Variants in NTN4 observed in about 807,000 individuals in gnomAD.
NTN4 encodes netrin 4, also known as netrin-4.
NTN4 carries 32 observed loss-of-function variants against 73.6 expected under a neutral mutation model. The ratio of observed to expected loss-of-function variants is 0.44; its 90% CI spans 0.33 to 0.58. NTN4 has a LOEUF of 0.58. NTN4 is among the 20% of genes least tolerant of loss of function. The pLI is 0.04. For missense variants in NTN4, 654 were observed against 798.3 expected (o/e 0.82, Z 2.18); for synonymous variants, 258 against 287.5 (o/e 0.90, Z 1.04).
Position 95,713,468 on chromosome 12 carries a change from A to G in NTN4, c.865-130T>C, listed in dbSNP as rs144467087. The G allele has an allele frequency of 8.0e-6, 8 of 1,003,028 alleles. No homozygotes were observed. The South Asian group carries it at 1.1e-4, about 14-fold the overall frequency. The allele number at this position is 1,003,028 out of a possible 1,614,324, so 62.1% of individuals were successfully genotyped here. On this transcript the variant is annotated intron_variant, in intron 3 of 9. Transcript: ENST00000343702. Reference sequence around the variant, plus strand: ...GTTCATTCACTTTCCTGAAGAAGTTAGCCATCAAGAGGAGAGATGCTTTCT... The same window carrying G: ...GTTCATTCACTTTCCTGAAGAAGTTGGCCATCAAGAGGAGAGATGCTTTCT...
At chr12:95,702,462 G>C (rs973482502) in intron 5 of NTN4, among the ~76,000 whole-genome samples, 7 of 152,086 alleles carry the variant, frequency 4.6e-5, no homozygotes, top group African/African-American at 1.2e-4. Flanking sequence ...GGCACTTGCT[G>C]TATCTTTTTC....
At position 95,750,841 on chromosome 12, in the gene NTN4, A is replaced by G. The variant is rs564991579; in HGVS notation, c.586-12697T>C. Among the ~76,000 whole-genome samples the G allele has an allele frequency of 8.7e-4, 131 of 150,154 alleles. 1 individual carries two copies. The highest frequency in any genetic ancestry group is 3.1e-3 in the African/African-American group (125 of 40,622). On this transcript the variant is annotated intron_variant, in intron 2 of 9. Coordinates refer to ENST00000343702, the MANE Select transcript of NTN4 (RefSeq NM_021229.4). ...TTCTCCACCCTATAATCCTTTTATC[A>G]CCTCCCCTCCTCACACCTGGTCCGG...
intron 2 of NTN4, among the ~76,000 whole-genome samples, chr12:95,779,112 T>C (rs1489669451): frequency 6.6e-6 from 1 of 152,212 alleles, no homozygotes; most frequent in Non-Finnish European, 1.5e-5. Flanking sequence ...TCAACAGCCC[T>C]TCATGCTAAA....
chr12:95,677,903 A>G (rs1010362723), intron 7 of NTN4, among the ~76,000 whole-genome samples: 5 of 152,226 alleles, frequency 3.3e-5, no homozygotes, highest in Non-Finnish European at 5.9e-5. Flanking sequence ...TTATTGCAGC[A>G]CTATTTACAA....
chr12:95,685,281 T>G (rs1429906408), intron 5 of NTN4, among the ~76,000 whole-genome samples: 1 of 152,250 alleles, frequency 6.6e-6, no homozygotes, highest in Non-Finnish European at 1.5e-5. Context: ...CTTAGTCTGA[T>G]TCTAATTCAC....
intron 2 of NTN4, among the ~76,000 whole-genome samples, chr12:95,784,131 T>A (rs1212766776): frequency 6.6e-6 from 1 of 152,250 alleles, no homozygotes; most frequent in East Asian, 1.9e-4. Flanking sequence ...CTTCTTATTT[T>A]TAAACTAGAT....
chr12:95,678,623 T>TA lies in NTN4; in HGVS notation c.1510+4083dup, dbSNP rs546513785. Among the ~76,000 whole-genome samples, 632 of 150,292 alleles carry TA rather than the reference T, an allele frequency of 4.2e-3. 2 individuals carry two copies. Among genetic ancestry groups the TA allele is most frequent in the Middle Eastern group, 0.017 (5 of 294 alleles). ...AATTTGGGAAAACATTGTACTGCAGTAAAAAAAAATGATGCATGAGAACTA... is the reference window on the plus strand; with the variant it reads ...AATTTGGGAAAACATTGTACTGCAGTAAAAAAAAAATGATGCATGAGAACTA... On this transcript the variant is annotated intron_variant, in intron 7 of 9. Transcript: ENST00000343702.
chr12:95,690,916 A>C (rs1300938768), intron 5 of NTN4, among the ~76,000 whole-genome samples: 1 of 152,224 alleles, frequency 6.6e-6, no homozygotes, highest in Non-Finnish European at 1.5e-5. Flanking sequence ...TCTCCCTTCT[A>C]CCATATATTT....
intron 2 of NTN4, among the ~76,000 whole-genome samples, chr12:95,776,043 G>A (rs2079089649): frequency 6.6e-6 from 1 of 152,316 alleles, no homozygotes; most frequent in Middle Eastern, 3.4e-3. Context: ...TGACACCCAG[G>A]CAAACAGGGT....
intron 2 of NTN4, among the ~76,000 whole-genome samples, chr12:95,756,579 T>A (rs1013736547): frequency 6.6e-6 from 1 of 152,132 alleles, no homozygotes; most frequent in Non-Finnish European, 1.5e-5. Context: ...AACTTCCCAA[T>A]ACTGATCACC....
In NTN4 at chr12:95,781,079, T is replaced by C. The variant is rs1037888892; in HGVS notation, c.585+5860A>G. 2.0e-5 allele frequency among the ~76,000 whole-genome samples: 3 copies of C among 152,020 alleles called. No individual in the cohort carries two copies. The highest frequency in any genetic ancestry group is 4.4e-5 in the Non-Finnish European group (3 of 68,022). On this transcript the variant is annotated intron_variant, in intron 2 of 9. Coordinates refer to ENST00000343702, the MANE Select transcript of NTN4 (RefSeq NM_021229.4). This position sits in a 1 kb window ranked among gnomAD's most constrained non-coding sequence, Gnocchi z 4.1. ...AAAACAAACACTGCATGTTCTCACT[T>C]ATAGGTGGGAATTGAACAATGAGAA...
intron 1 of NTN4, 133 bp from the exon 2 acceptor site, chr12:95,787,601 A>G (rs779661563): frequency 1.5e-5 from 11 of 749,400 alleles, no homozygotes; most frequent in Non-Finnish European, 2.4e-5. Flanking sequence ...AAATTCTACC[A>G]TGCTCCACCA....
chr12:95,665,997 C>A lies in NTN4; in HGVS notation c.1580-17G>T. On this transcript the variant is annotated splice_polypyrimidine_tract_variant and intron_variant, in intron 8 of 9. Transcript: ENST00000343702. The stretch of plus-strand genomic sequence containing the variant: ...TTTTTAGCACTGTTAACACAGAAGT[C>A]AAAATGCATAGAATTTCATATTATC... The A allele has an allele frequency of 1.9e-6, 3 of 1,555,684 alleles. No homozygotes were observed. In the South Asian group the frequency reaches 3.5e-5, roughly 18 times the overall value.
rs146040779 is a variant in NTN4 at position 95,664,813 on chromosome 12, G to T, written c.1750+997C>A. On this transcript the variant is annotated intron_variant, in intron 9 of 9. Transcript: ENST00000343702. ...TTTTTAGTAGAGATGGGGTTTCACT[G>T]TGTTGGCCAGGTTGGGCACAAAAGA... 2.7e-4 allele frequency among the ~76,000 whole-genome samples: 41 copies of T among 152,068 alleles called. 1 individual carries two copies. The East Asian group carries it at 6.2e-3, about 23-fold the overall frequency.
In NTN4 at chr12:95,682,787, T is replaced by C. The variant is rs1383186282; in HGVS notation, c.1430A>G (p.Asp477Gly). 6.2e-7 allele frequency: 1 copy of C among 1,613,614 alleles called. No individual in the cohort carries two copies. The highest frequency in any genetic ancestry group is 8.5e-7 in the Non-Finnish European group (1 of 1,179,688). Residue 477 changes from aspartate (D) to glycine (G), a missense_variant, in exon 7 of 10, where the codon GAC becomes GGC. Transcript: ENST00000343702. Reference sequence around the variant, plus strand: ...GCTCTTATTGTGCACGGGACGGAAGTCAGGAACTTCATGATACCAGTCTAT... The same window carrying C: ...GCTCTTATTGTGCACGGGACGGAAGCCAGGAACTTCATGATACCAGTCTAT... ...TDIDWYHEVP[D>G]FRPVHNKSEP... is the part of the protein sequence containing the mutation.
chr12:95,785,151 T>C (rs2079158616), intron 2 of NTN4, among the ~76,000 whole-genome samples: 1 of 152,086 alleles, frequency 6.6e-6, no homozygotes, highest in South Asian at 2.1e-4. Flanking sequence ...ACTGTGGCAA[T>C]AAATTTGCAA....
In NTN4 at chr12:95,790,283, C is replaced by A; in HGVS notation, c.27G>T (p.Leu9=). 1 of 1,534,394 alleles carries A rather than the reference C, an allele frequency of 6.5e-7. No homozygotes were observed. The highest frequency in any genetic ancestry group is 1.2e-5 in the South Asian group (1 of 82,352). The change falls in exon 1 of 10, where the codon CTG becomes CTT. Residue 9 remains leucine (L), a synonymous_variant. Coordinates refer to ENST00000343702, the MANE Select transcript of NTN4 (RefSeq NM_021229.4). This position sits in a 1 kb window ranked among gnomAD's most constrained non-coding sequence, Gnocchi z 6.5. Reference sequence around the variant, plus strand: ...CGGCCACCACCGTGCAGCCCCAGAGCAGCAGCAGCCGCGCGCAGCTCCCCA... The same window carrying A: ...CGGCCACCACCGTGCAGCCCCAGAGAAGCAGCAGCCGCGCGCAGCTCCCCA... The part of the protein sequence containing the change: MGSCARLL[L]LWGCTVVAAG...
chr12:95,762,389 A>G (rs992666143), intron 2 of NTN4, among the ~76,000 whole-genome samples: 1 of 152,180 alleles, frequency 6.6e-6, no homozygotes, highest in Non-Finnish European at 1.5e-5. Context: ...CTTCACTTGT[A>G]GGAGACCTTG....
chr12:95,755,417 A>G (rs2078941156), intron 2 of NTN4, among the ~76,000 whole-genome samples: 1 of 152,222 alleles, frequency 6.6e-6, no homozygotes, highest in South Asian at 2.1e-4. Context: ...ACTAGAAGAT[A>G]GCATAATTGA....
Sources: allele counts gnomAD v4.1 joint callset (sites outside exome capture counted in the v4.1 genomes callset), GRCh38; gene constraint gnomAD v4.1.1; non-coding constraint Gnocchi (gnomAD v3.1); transcripts MANE v1.5; gene names NCBI Gene and HGNC (gene_info 2026-07-23, HGNC 2026-07-21).